The following HS6ST3 variants were observed in gnomAD, a reference collection of about 807,000 sequenced individuals.
HS6ST3 encodes heparan sulfate 6-O-sulfotransferase 3.
A neutral mutation model predicts 36.7 loss-of-function variants in HS6ST3; 12 were observed. The ratio of observed to expected loss-of-function variants is 0.33; its 90% CI spans 0.21 to 0.53. The LOEUF is 0.53. Ranked by LOEUF, HS6ST3 falls within the 20% of genes least tolerant of loss-of-function variation. The pLI is 0.95. For missense variants in HS6ST3, 584 were observed against 640.9 expected (o/e 0.91, Z 0.96); for synonymous variants, 240 against 257.5 (o/e 0.93, Z 0.65).
intron 1 of HS6ST3, among the ~76,000 whole-genome samples, chr13:96,323,446 C>T (rs2055014680): frequency 6.6e-6 from 1 of 152,208 alleles, no homozygotes; most frequent in Admixed American, 6.5e-5. Flanking sequence ...TCACCACTAC[C>T]CACAGGTCTT....
chr13:96,263,961 C>T (rs949827761), intron 1 of HS6ST3, among the ~76,000 whole-genome samples: 1 of 152,188 alleles, frequency 6.6e-6, no homozygotes, highest in East Asian at 1.9e-4. Flanking sequence ...CAAAATGGAG[C>T]CTGGCCTCCT....
At chr13:96,656,987 G>GTT (rs2056627650) in intron 1 of HS6ST3, among the ~76,000 whole-genome samples, 1 of 139,798 alleles carries the variant, frequency 7.2e-6, no homozygotes, top group African/African-American at 2.7e-5. Flanking sequence ...GTGTGTGTGT[G>GTT]TGTGTGTGTG....
chr13:96,662,278 G>A (rs760121175), intron 1 of HS6ST3, among the ~76,000 whole-genome samples: 1 of 152,052 alleles, frequency 6.6e-6, no homozygotes, highest in African/African-American at 2.4e-5. Flanking sequence ...ATTTCTTGAA[G>A]CCTTTGTTCA....
intron 1 of HS6ST3, among the ~76,000 whole-genome samples, chr13:96,504,630 C>T (rs1487178081): frequency 3.3e-5 from 5 of 152,122 alleles, no homozygotes; most frequent in African/African-American, 1.2e-4. Context: ...TGGGGTATCA[C>T]AAACCTACTC....
At chr13:96,705,911 G>A (rs1030439546) in intron 1 of HS6ST3, among the ~76,000 whole-genome samples, 1 of 152,110 alleles carries the variant, frequency 6.6e-6, no homozygotes, top group East Asian at 1.9e-4. Flanking sequence ...TTTTACCCAA[G>A]GGAAGGTAAC....
chr13:96,214,177 G>A (rs1440117256), intron 1 of HS6ST3, among the ~76,000 whole-genome samples: 2 of 152,106 alleles, frequency 1.3e-5, no homozygotes, highest in East Asian at 1.9e-4. Flanking sequence ...TATATAAAAG[G>A]TGTCATCATG....
chr13:96,605,131 G>T (rs2056434371), intron 1 of HS6ST3, among the ~76,000 whole-genome samples: 1 of 152,092 alleles, frequency 6.6e-6, no homozygotes, highest in South Asian at 2.1e-4. Flanking sequence ...AACAGATTTT[G>T]CAAAGGCTCC....
chr13:96,770,501 T>A (rs1877237890), intron 1 of HS6ST3, among the ~76,000 whole-genome samples: 1 of 152,216 alleles, frequency 6.6e-6, no homozygotes, highest in Admixed American at 6.5e-5. Flanking sequence ...ACATGAATAG[T>A]GGTTTTATAA....
At chr13:96,826,581 C>T (rs1280538898) in intron 1 of HS6ST3, among the ~76,000 whole-genome samples, 2 of 152,028 alleles carry the variant, frequency 1.3e-5, no homozygotes, top group Non-Finnish European at 2.9e-5. Flanking sequence ...GCAGTAAACT[C>T]TATAGGCTGG....
chr13:96,556,714 G>A (rs533373418), intron 1 of HS6ST3, among the ~76,000 whole-genome samples: 56 of 152,136 alleles, frequency 3.7e-4, no homozygotes, highest in Non-Finnish European at 2.2e-4. Flanking sequence ...TGCAATACAG[G>A]TGAGGCAGTT....
intron 1 of HS6ST3, among the ~76,000 whole-genome samples, chr13:96,719,273 C>CA (rs5805989): frequency 0.029 from 3,209 of 109,248 alleles, 106 homozygotes; most frequent in African/African-American, 0.09. Context: ...GACTATGTCT[C>CA]AAAAAAAAAA....
At chr13:96,296,337 T>C (rs533843688) in intron 1 of HS6ST3, among the ~76,000 whole-genome samples, 1 of 152,248 alleles carries the variant, frequency 6.6e-6, no homozygotes, top group East Asian at 1.9e-4. Flanking sequence ...TATCAGCTCC[T>C]CCCTAGAGGA....
intron 1 of HS6ST3, among the ~76,000 whole-genome samples, chr13:96,418,756 G>T (rs1818464011): frequency 6.6e-6 from 1 of 152,184 alleles, no homozygotes; most frequent in Admixed American, 6.5e-5. Context: ...AAGAAAACAA[G>T]CTGTCTGAGC....
intron 1 of HS6ST3, among the ~76,000 whole-genome samples, chr13:96,553,613 C>T (rs2056228444): frequency 1.3e-5 from 2 of 152,136 alleles, no homozygotes; most frequent in Admixed American, 6.5e-5. Context: ...GCGTTTAGGA[C>T]AAGGAGACAA....
intron 1 of HS6ST3, among the ~76,000 whole-genome samples, chr13:96,698,332 G>T (rs1875189111): frequency 6.6e-6 from 1 of 152,104 alleles, no homozygotes; most frequent in Non-Finnish European, 1.5e-5. Flanking sequence ...TGCTGAGAAT[G>T]ATGGTTTCCA....
chr13:96,269,831 G>C (rs1594738558), intron 1 of HS6ST3, among the ~76,000 whole-genome samples: 3 of 152,044 alleles, frequency 2.0e-5, no homozygotes, highest in East Asian at 3.9e-4. Context: ...GGTAATTGTT[G>C]GCAGTTCATA....
intron 1 of HS6ST3, among the ~76,000 whole-genome samples, chr13:96,395,997 A>G (rs78050355): frequency 1.3e-5 from 2 of 152,224 alleles, no homozygotes; most frequent in Non-Finnish European, 2.9e-5. Context: ...AATGGGAAAA[A>G]TGATACCTAC....
intron 1 of HS6ST3, among the ~76,000 whole-genome samples, chr13:96,661,500 G>A (rs963751711): frequency 6.6e-6 from 1 of 151,942 alleles, no homozygotes; most frequent in African/African-American, 2.4e-5. Context: ...TTACCCATTA[G>A]GTGGGTTTCT....
intron 1 of HS6ST3, among the ~76,000 whole-genome samples, chr13:96,107,959 G>A (rs1170182727): frequency 6.6e-6 from 1 of 152,166 alleles, no homozygotes; most frequent in Non-Finnish European, 1.5e-5. Flanking sequence ...TAAAGCATGT[G>A]TATTTGAACA....
Sources: allele counts gnomAD v4.1 joint callset (sites outside exome capture counted in the v4.1 genomes callset), GRCh38; gene constraint gnomAD v4.1.1; transcripts MANE v1.5; gene names NCBI Gene and HGNC (gene_info 2026-07-23, HGNC 2026-07-21).